NXPE2: variants seen among roughly 807,000 people sequenced by gnomAD.
The protein encoded by NXPE2 is neurexophilin and PC-esterase domain family member 2.
Under a neutral mutation model 34.4 loss-of-function variants are expected in NXPE2, and 34 were observed. The ratio of observed to expected loss-of-function variants is 0.99; its 90% CI spans 0.75 to 1.31. The LOEUF is 1.31. Among genes scored for constraint, NXPE2 ranks in the 40% most tolerant of loss-of-function variants. The pLI is 0.00. For synonymous variants in NXPE2, 235 were observed against 231.3 expected (o/e 1.02, Z -0.15); for missense variants, 649 against 672.5 (o/e 0.97, Z 0.39).
chr11:114,512,404 G>A, the NXPE2 span, among the ~76,000 whole-genome samples: 10 of 152,212 alleles, frequency 6.6e-5, no homozygotes, highest in African/African-American at 2.4e-4. Context: ...CTTCCTCTGG[G>A]TCAGTCAGGG....
the NXPE2 span, among the ~76,000 whole-genome samples, chr11:114,782,310 C>A: frequency 6.6e-6 from 1 of 152,158 alleles, no homozygotes; most frequent in African/African-American, 2.4e-5. Flanking sequence ...AACCTGTGCT[C>A]TTTCTGTCTT....
the NXPE2 span, among the ~76,000 whole-genome samples, chr11:114,613,629 C>T: frequency 1.6e-4 from 24 of 151,416 alleles, no homozygotes; most frequent in African/African-American, 5.8e-4. Context: ...CTGTTACACA[C>T]TGGATAACAA....
the NXPE2 span, among the ~76,000 whole-genome samples, chr11:114,779,036 C>T: frequency 0.019 from 2,872 of 152,324 alleles, 43 homozygotes; most frequent in Non-Finnish European, 0.028. Context: ...TCCTTTCCCC[C>T]TCTCTCTGTA....
At chr11:114,669,220 T>C in the NXPE2 span, among the ~76,000 whole-genome samples, 5 of 152,120 alleles carry the variant, frequency 3.3e-5, no homozygotes, top group African/African-American at 1.2e-4. Context: ...TCTTTGGAAA[T>C]TATCCCAAGG....
the NXPE2 span, among the ~76,000 whole-genome samples, chr11:114,783,103 A>G: frequency 6.6e-6 from 1 of 152,218 alleles, no homozygotes; most frequent in Non-Finnish European, 1.5e-5. Flanking sequence ...CAAAACGACA[A>G]TGGGCTTTTC....
the NXPE2 span, among the ~76,000 whole-genome samples, chr11:114,745,761 T>C: frequency 6.6e-6 from 1 of 152,110 alleles, no homozygotes; most frequent in Non-Finnish European, 1.5e-5. Context: ...TGAAAAAGTA[T>C]ACTAGAGTAG....
chr11:114,664,477 G>A, the NXPE2 span, among the ~76,000 whole-genome samples: 1 of 152,092 alleles, frequency 6.6e-6, no homozygotes, highest in Non-Finnish European at 1.5e-5. Flanking sequence ...TTTACTTCAC[G>A]TAAATTGCAC....
the NXPE2 span, among the ~76,000 whole-genome samples, chr11:114,636,581 C>T: frequency 6.6e-6 from 1 of 151,890 alleles, no homozygotes; most frequent in Non-Finnish European, 1.5e-5. Context: ...ATCTTTCCTG[C>T]TTTCTCTTGT....
the NXPE2 span, among the ~76,000 whole-genome samples, chr11:114,499,287 C>G: frequency 1.3e-5 from 2 of 151,982 alleles, no homozygotes; most frequent in East Asian, 3.8e-4. Flanking sequence ...AGAGGCTTGT[C>G]CATTTTATTG....
the NXPE2 span, among the ~76,000 whole-genome samples, chr11:114,561,076 T>C: frequency 6.6e-6 from 1 of 152,234 alleles, no homozygotes; most frequent in Non-Finnish European, 1.5e-5. Flanking sequence ...CTCTGTAACA[T>C]AAATCTAACT....
chr11:114,572,237 T>C, the NXPE2 span, among the ~76,000 whole-genome samples: 1 of 152,138 alleles, frequency 6.6e-6, no homozygotes, highest in African/African-American at 2.4e-5. Flanking sequence ...GAATCCCAGA[T>C]CTTCCCTCTG....
the NXPE2 span, among the ~76,000 whole-genome samples, chr11:114,477,848 CTTTTTCTTAGAGCATGGTAAG>C: frequency 6.6e-6 from 1 of 151,730 alleles, no homozygotes; most frequent in African/African-American, 2.4e-5. Flanking sequence ...GAATCCCTTT[CTTTTTCTTAGAGCATGGTAAG>C]TTGGTTTGGC....
chr11:114,591,432 G>C, the NXPE2 span, among the ~76,000 whole-genome samples: 1 of 152,144 alleles, frequency 6.6e-6, no homozygotes, highest in African/African-American at 2.4e-5. Flanking sequence ...TGCATTGTAA[G>C]GGACATCAGA....
the NXPE2 span, among the ~76,000 whole-genome samples, chr11:114,620,180 C>G: frequency 6.6e-6 from 1 of 152,028 alleles, no homozygotes; most frequent in Admixed American, 6.6e-5. Context: ...TCATGGGTAA[C>G]CACCATTACC....
At chr11:114,696,611 A>G (rs1325561119) in intron 2 of NXPE2, among the ~76,000 whole-genome samples, 1 of 152,224 alleles carries the variant, frequency 6.6e-6, no homozygotes, top group Non-Finnish European at 1.5e-5. Flanking sequence ...ACATGTGTGT[A>G]CATCTAATAG....
chr11:114,790,503 A>C, the NXPE2 span, among the ~76,000 whole-genome samples: 1 of 152,196 alleles, frequency 6.6e-6, no homozygotes, highest in Non-Finnish European at 1.5e-5. Context: ...TCTAAAACTC[A>C]TACTCCCAAT....
At chr11:114,687,577 G>A (rs1951071839) in intron 2 of NXPE2, among the ~76,000 whole-genome samples, 1 of 151,994 alleles carries the variant, frequency 6.6e-6, no homozygotes, top group African/African-American at 2.4e-5. Flanking sequence ...TTTTTGCTTA[G>A]GATTGCCTTG....
At chr11:114,532,141 A>G in the NXPE2 span, among the ~76,000 whole-genome samples, 1 of 152,242 alleles carries the variant, frequency 6.6e-6, no homozygotes, top group East Asian at 1.9e-4. Context: ...GCACCCCAGC[A>G]TTGGGCAATA....
chr11:114,651,348 G>A, the NXPE2 span, among the ~76,000 whole-genome samples: 4 of 151,698 alleles, frequency 2.6e-5, no homozygotes, highest in Non-Finnish European at 2.9e-5. Flanking sequence ...TGGCACGTCC[G>A]GAGTTGTTTG....
Sources: allele counts gnomAD v4.1 joint callset (sites outside exome capture counted in the v4.1 genomes callset), GRCh38; gene constraint gnomAD v4.1.1; transcripts MANE v1.5; gene names NCBI Gene and HGNC (gene_info 2026-07-23, HGNC 2026-07-21).